INPP4B: variants seen among roughly 807,000 people sequenced by gnomAD.
The protein encoded by INPP4B is inositol polyphosphate 4-phosphatase type II.
Under a neutral mutation model 122.5 loss-of-function variants are expected in INPP4B, and 55 were observed. The ratio of observed to expected loss-of-function variants is 0.45; its 90% CI spans 0.36 to 0.56. INPP4B has a LOEUF of 0.56. Among genes scored for constraint, INPP4B ranks in the 20% least tolerant of loss-of-function variants. The pLI is 0.00. For synonymous variants in INPP4B, 403 were observed against 388.7 expected (o/e 1.04, Z -0.43); for missense variants, 1,000 against 1,097.7 (o/e 0.91, Z 1.26).
At chr4:142,484,286 A>G (rs957403954) in intron 2 of INPP4B, among the ~76,000 whole-genome samples, 5 of 152,152 alleles carry the variant, frequency 3.3e-5, no homozygotes, top group African/African-American at 1.2e-4. Flanking sequence ...TTGAAAAAAT[A>G]AAATTATTAG....
intron 18 of INPP4B, among the ~76,000 whole-genome samples, chr4:142,142,271 T>C (rs775009074): frequency 1.3e-5 from 2 of 152,088 alleles, no homozygotes; most frequent in African/African-American, 2.4e-5. Flanking sequence ...TGTTATACAA[T>C]GTCAAACTTC....
chr4:142,714,217 G>T (rs1763476915), intron 2 of INPP4B, among the ~76,000 whole-genome samples: 1 of 152,130 alleles, frequency 6.6e-6, no homozygotes, highest in South Asian at 2.1e-4. Context: ...TTAGAAATAT[G>T]TTTTCCTATA....
chr4:142,458,944 G>A (rs1457132304), intron 3 of INPP4B, among the ~76,000 whole-genome samples: 1 of 152,216 alleles, frequency 6.6e-6, no homozygotes, highest in Non-Finnish European at 1.5e-5. Flanking sequence ...CTAGCTCACT[G>A]TGCTGCAGAG....
At chr4:142,313,229 T>C (rs1263887927) in intron 8 of INPP4B, among the ~76,000 whole-genome samples, 1 of 152,110 alleles carries the variant, frequency 6.6e-6, no homozygotes, top group Admixed American at 6.5e-5. Flanking sequence ...AAAATATCAT[T>C]AAAGCTTCAA....
chr4:142,697,335 C>A (rs751547528), intron 2 of INPP4B, among the ~76,000 whole-genome samples: 1 of 152,146 alleles, frequency 6.6e-6, no homozygotes, highest in Non-Finnish European at 1.5e-5. Context: ...TACCTAAATT[C>A]TCTGAGTTGC....
At chr4:142,745,877 T>C (rs954367687) in intron 1 of INPP4B, among the ~76,000 whole-genome samples, 1 of 151,822 alleles carries the variant, frequency 6.6e-6, no homozygotes, top group African/African-American at 2.4e-5. Context: ...CAGAAAGATA[T>C]GACAATCTTA....
chr4:142,565,766 C>T (rs1269194798), intron 2 of INPP4B, among the ~76,000 whole-genome samples: 2 of 152,132 alleles, frequency 1.3e-5, no homozygotes, highest in Non-Finnish European at 2.9e-5. Flanking sequence ...CACCACCCTC[C>T]CCAAGTGATC....
intron 11 of INPP4B, among the ~76,000 whole-genome samples, chr4:142,253,055 G>A (rs1733245315): frequency 1.3e-5 from 2 of 152,098 alleles, no homozygotes; most frequent in Non-Finnish European, 2.9e-5. Context: ...AAATATGTAG[G>A]TAACCACACC....
intron 2 of INPP4B, among the ~76,000 whole-genome samples, chr4:142,649,274 C>T (rs1752440335): frequency 6.6e-6 from 1 of 152,204 alleles, no homozygotes; most frequent in Admixed American, 6.5e-5. Context: ...GAAACTAGAA[C>T]AGAAAAGCTG....
chr4:142,616,150 C>T (rs1244815941), intron 2 of INPP4B, among the ~76,000 whole-genome samples: 1 of 152,090 alleles, frequency 6.6e-6, no homozygotes, highest in Non-Finnish European at 1.5e-5. Flanking sequence ...TAAAGCCCCC[C>T]AACCCTCACC....
chr4:142,775,102 GA>G (rs1467630624), intron 1 of INPP4B, among the ~76,000 whole-genome samples: 7 of 152,024 alleles, frequency 4.6e-5, no homozygotes, highest in Non-Finnish European at 7.4e-5. Context: ...TAGGCTTATG[GA>G]AGTAAACCAA....
chr4:142,328,620 C>T (rs1773330197), intron 7 of INPP4B, among the ~76,000 whole-genome samples: 1 of 152,156 alleles, frequency 6.6e-6, no homozygotes, highest in Admixed American at 6.5e-5. Context: ...AAAACAGTGT[C>T]ACTGTCTCAG....
chr4:142,819,344 A>T (rs75784195), intron 1 of INPP4B, among the ~76,000 whole-genome samples: 146 of 152,230 alleles, frequency 9.6e-4, no homozygotes, highest in Non-Finnish European at 1.6e-3. Flanking sequence ...ATCCATTTCC[A>T]ACCAACTTGT....
chr4:142,097,314 G>A (rs2152610882), intron 23 of INPP4B, among the ~76,000 whole-genome samples: 1 of 151,172 alleles, frequency 6.6e-6, no homozygotes, highest in Non-Finnish European at 1.5e-5. Flanking sequence ...GAGTGCAATG[G>A]CGTGATCTTG....
At chr4:142,720,625 T>G (rs996925896) in intron 2 of INPP4B, among the ~76,000 whole-genome samples, 1 of 150,038 alleles carries the variant, frequency 6.7e-6, no homozygotes, top group African/African-American at 2.4e-5. Flanking sequence ...GTATTATTTT[T>G]TATTGTCTGT....
intron 2 of INPP4B, among the ~76,000 whole-genome samples, chr4:142,719,004 T>A (rs1764165299): frequency 6.6e-6 from 1 of 152,246 alleles, no homozygotes; most frequent in East Asian, 1.9e-4. Context: ...TTTACATTAA[T>A]ATTTTCCTTG....
chr4:142,505,609 T>A (rs974090534), intron 2 of INPP4B, among the ~76,000 whole-genome samples: 3 of 152,174 alleles, frequency 2.0e-5, no homozygotes, highest in Admixed American at 1.3e-4. Flanking sequence ...TAGTAAGAGC[T>A]CAATAAATAT....
At chr4:142,305,354 G>T in intron 9 of INPP4B, 104 bp downstream of exon 9, 1 of 813,606 alleles carries the variant, frequency 1.2e-6, no homozygotes, top group South Asian at 1.7e-5. Context: ...TTTGAGAACT[G>T]ACATCTAACA....
intron 2 of INPP4B, among the ~76,000 whole-genome samples, chr4:142,543,427 A>C (rs1257024618): frequency 6.6e-6 from 1 of 152,198 alleles, no homozygotes; most frequent in African/African-American, 2.4e-5. Flanking sequence ...TTAGCTTAAT[A>C]ATCTATTATA....
Sources: allele counts gnomAD v4.1 joint callset (sites outside exome capture counted in the v4.1 genomes callset), GRCh38; gene constraint gnomAD v4.1.1; transcripts MANE v1.5; gene names NCBI Gene and HGNC (gene_info 2026-07-23, HGNC 2026-07-21).